Variants in ZFYVE9 observed in about 807,000 individuals in gnomAD.
The protein encoded by ZFYVE9 is zinc finger FYVE domain-containing protein 9.
ZFYVE9 carries 43 observed loss-of-function variants against 126.7 expected under a neutral mutation model. That is an observed-to-expected ratio of 0.34 (90% CI 0.27 to 0.44). ZFYVE9 has a LOEUF of 0.44. ZFYVE9 is among the 20% of genes least tolerant of loss of function. The pLI is 1.00. For synonymous variants in ZFYVE9, 521 were observed against 597.4 expected, an observed-to-expected ratio of 0.87 and a Z score of 1.87; for missense variants, 1,476 against 1,697.0, an observed-to-expected ratio of 0.87 and a Z score of 2.29.
intron 1 of ZFYVE9, among the ~76,000 whole-genome samples, chr1:52,210,554 G>C (rs1013298814): frequency 6.6e-6 from 1 of 152,144 alleles, no homozygotes; most frequent in Non-Finnish European, 1.5e-5. Context: ...CTAACCTGCT[G>C]TTCCATTTGA....
intron 1 of ZFYVE9, among the ~76,000 whole-genome samples, chr1:52,206,719 T>A (rs1452049707): frequency 6.6e-6 from 1 of 152,134 alleles, no homozygotes; most frequent in Non-Finnish European, 1.5e-5. Flanking sequence ...CTGGCTAATT[T>A]TTGTATTTTT....
chr1:52,286,023 G>T (rs1035862475), intron 10 of ZFYVE9, among the ~76,000 whole-genome samples: 3 of 152,080 alleles, frequency 2.0e-5, no homozygotes, highest in Non-Finnish European at 2.9e-5. Flanking sequence ...GGGTGTGATG[G>T]TGGGCGCCTG....
chr1:52,186,743 G>A (rs918535064), intron 1 of ZFYVE9, among the ~76,000 whole-genome samples: 29 of 152,014 alleles, frequency 1.9e-4, no homozygotes, highest in African/African-American at 6.0e-4. Context: ...GTATTAATAC[G>A]TAGGAATACA....
At chr1:52,156,463 T>G (rs955039618) in intron 1 of ZFYVE9, among the ~76,000 whole-genome samples, 12 of 152,184 alleles carry the variant, frequency 7.9e-5, no homozygotes, top group African/African-American at 2.9e-4. Context: ...CCTACACAAT[T>G]TTGGTTTTGA....
intron 4 of ZFYVE9, among the ~76,000 whole-genome samples, chr1:52,254,777 G>C (rs1356199604): frequency 1.3e-5 from 2 of 152,042 alleles, no homozygotes; most frequent in African/African-American, 4.8e-5. Flanking sequence ...GACCAGCCCA[G>C]GTAACGCAGT....
chr1:52,205,822 A>C (rs143224025), intron 1 of ZFYVE9, among the ~76,000 whole-genome samples: 1 of 152,348 alleles, frequency 6.6e-6, no homozygotes, highest in East Asian at 1.9e-4. Flanking sequence ...CTTGGTTCAC[A>C]CAATTTGTGG....
chr1:52,218,695 G>A (rs1645095256), intron 2 of ZFYVE9, among the ~76,000 whole-genome samples: 1 of 152,148 alleles, frequency 6.6e-6, no homozygotes, highest in East Asian at 1.9e-4. Context: ...CTTGATAACT[G>A]GTTTCTATGG....
Position 52,263,757 on chromosome 1 carries a change from C to T in ZFYVE9, c.2179-16C>T, listed in dbSNP as rs756637340. ...CAAGTAAATTTTGTGTGTTCTTCCC[C>T]CCCCCCCCCCCACAGGTTTTCTGTG... On this transcript the variant is annotated splice_polypyrimidine_tract_variant and intron_variant, in intron 4 of 18. Coordinates refer to ENST00000287727, the MANE Select transcript of ZFYVE9 (RefSeq NM_004799.4). 14 of 634,762 alleles carry T rather than the reference C, an allele frequency of 2.2e-5. No homozygotes were observed. The highest frequency in any genetic ancestry group is 4.4e-5 in the South Asian group (2 of 45,406). 39.3% of individuals were successfully genotyped at this position (634,762 alleles called of 1,614,324 possible). A position where few individuals can be genotyped will look rare whatever the true frequency, so the allele number is the denominator to read the frequency against.
At chr1:52,264,792 G>T (rs915650779) in intron 5 of ZFYVE9, among the ~76,000 whole-genome samples, 1 of 152,176 alleles carries the variant, frequency 6.6e-6, no homozygotes, top group African/African-American at 2.4e-5. Flanking sequence ...CCTGTTGCAT[G>T]ACAGTTAATC....
chr1:52,278,731 C>CT (rs377369353), intron 9 of ZFYVE9, 117 bp downstream of exon 9: 40,079 of 462,376 alleles, frequency 0.087, 35 homozygotes, highest in South Asian at 0.11. Flanking sequence ...TTTTTTTTTT[C>CT]TTTTTTTTTT....
chr1:52,230,297 G>C (rs1439984465), intron 2 of ZFYVE9, among the ~76,000 whole-genome samples: 1 of 152,108 alleles, frequency 6.6e-6, no homozygotes, highest in East Asian at 1.9e-4. Flanking sequence ...AGGAACAGGA[G>C]AGGCAAACGG....
chr1:52,206,970 TA>T (rs1644984324), intron 1 of ZFYVE9, among the ~76,000 whole-genome samples: 1 of 152,246 alleles, frequency 6.6e-6, no homozygotes, highest in Admixed American at 6.5e-5. Context: ...GAGAGAATTA[TA>T]TATATGTATG....
intron 1 of ZFYVE9, among the ~76,000 whole-genome samples, chr1:52,201,336 C>T (rs544857730): frequency 6.7e-4 from 102 of 151,238 alleles, no homozygotes; most frequent in African/African-American, 2.3e-3. Context: ...TATCCTGTAA[C>T]CCTGCTATAG....
At chr1:52,344,331 C>A (rs1476979160) in intron 17 of ZFYVE9, among the ~76,000 whole-genome samples, 1 of 152,208 alleles carries the variant, frequency 6.6e-6, no homozygotes, top group African/African-American at 2.4e-5. Flanking sequence ...TTGAGCCAGT[C>A]AATTCCCTTC....
intron 7 of ZFYVE9, 117 bp downstream of exon 7, chr1:52,268,749 C>A: frequency 8.2e-7 from 1 of 1,218,850 alleles, no homozygotes; most frequent in African/African-American, 1.5e-5. Context: ...TTAGTGTATA[C>A]GTGCACATAT....
chr1:52,237,617 C>G lies in ZFYVE9; in HGVS notation c.200C>G (p.Pro67Arg). 6.2e-7 allele frequency: 1 copy of G among 1,614,074 alleles called. No homozygotes were observed. The highest frequency in any genetic ancestry group is 8.5e-7 in the Non-Finnish European group (1 of 1,179,964). The change falls in exon 4 of 19, where the codon CCA becomes CGA. Residue 67 changes from proline (P) to arginine (R), a missense_variant. By Grantham distance (103) the Pro-to-Arg change is moderately radical. This residue lies in a region of ZFYVE9 where 807 missense variants were observed against 794.6 expected (regional missense o/e 1.02). Transcript: ENST00000287727. Reference sequence around the variant, plus strand: ...TCTGCAGTTTCTAATGAGTCACAACCACAACTGAAAGTCTTCTCCCTGGCT... The same window carrying G: ...TCTGCAGTTTCTAATGAGTCACAACGACAACTGAAAGTCTTCTCCCTGGCT... ...NESAVSNESQ[P>R]QLKVFSLAHS...
At chr1:52,167,542 T>C (rs1252169245) in intron 1 of ZFYVE9, among the ~76,000 whole-genome samples, 5 of 152,066 alleles carry the variant, frequency 3.3e-5, no homozygotes, top group Admixed American at 6.6e-5. Flanking sequence ...AAAAATAACC[T>C]ACCCTTTTAC....
intron 1 of ZFYVE9, among the ~76,000 whole-genome samples, chr1:52,186,383 T>C (rs1358861467): frequency 6.6e-6 from 1 of 152,176 alleles, no homozygotes; most frequent in Admixed American, 6.5e-5. Context: ...GGGCAGGAGC[T>C]GGAAGCATTC....
rs187588534 is a variant in ZFYVE9 at position 52,155,526 on chromosome 1, G to A, written c.-143+13123G>A. On this transcript the variant is annotated intron_variant, in intron 1 of 18. Coordinates refer to ENST00000287727, the MANE Select transcript of ZFYVE9 (RefSeq NM_004799.4). Reference sequence around the variant, plus strand: ...TGGGATTACAGGCGTGAGCCACCACGCCCGGCCACAGGAGCTGTTTTTCTA... The same window carrying A: ...TGGGATTACAGGCGTGAGCCACCACACCCGGCCACAGGAGCTGTTTTTCTA... Among the ~76,000 whole-genome samples the A allele has an allele frequency of 8.5e-4, 129 of 152,252 alleles. 1 individual carries two copies. In the East Asian group the frequency reaches 0.022, roughly 26 times the overall value.
Sources: allele counts gnomAD v4.1 joint callset (sites outside exome capture counted in the v4.1 genomes callset), GRCh38; gene constraint gnomAD v4.1.1; regional missense constraint gnomAD v4.1.1; transcripts MANE v1.5; gene names NCBI Gene and HGNC (gene_info 2026-07-23, HGNC 2026-07-21).